HS3ST4: variants seen among roughly 807,000 people sequenced by gnomAD.
HS3ST4 encodes heparan sulfate-glucosamine 3-sulfotransferase 4.
Under a neutral mutation model 29.2 loss-of-function variants are expected in HS3ST4, and 17 were observed. The observed-to-expected ratio is 0.58, with a 90% CI of 0.40 to 0.87. HS3ST4 has a LOEUF of 0.87. Ranked by LOEUF, HS3ST4 falls within the 40% of genes least tolerant of loss-of-function variation. The pLI is 0.00. For synonymous variants in HS3ST4, 314 were observed against 285.7 expected (o/e 1.10, Z -1.00); for missense variants, 627 against 634.5 (o/e 0.99, Z 0.13).
chr16:26,048,296 C>A (rs1898293668), intron 1 of HS3ST4, among the ~76,000 whole-genome samples: 1 of 152,166 alleles, frequency 6.6e-6, no homozygotes, highest in Admixed American at 6.5e-5. Flanking sequence ...AGGGAGGAAG[C>A]AATTCAGTCT....
intron 1 of HS3ST4, among the ~76,000 whole-genome samples, chr16:25,933,123 A>G (rs1341165740): frequency 6.6e-6 from 1 of 152,082 alleles, no homozygotes; most frequent in Non-Finnish European, 1.5e-5. Context: ...TTCCTTCTGA[A>G]AAGCTGCTCT....
chr16:25,923,997 C>T (rs535368859), intron 1 of HS3ST4, among the ~76,000 whole-genome samples: 7 of 152,276 alleles, frequency 4.6e-5, no homozygotes, highest in Non-Finnish European at 7.3e-5. Flanking sequence ...TTCTCCTCTG[C>T]GCTTTGGCCA....
intron 1 of HS3ST4, among the ~76,000 whole-genome samples, chr16:25,820,760 G>A (rs1967145994): frequency 6.6e-6 from 1 of 151,922 alleles, no homozygotes; most frequent in South Asian, 2.1e-4. Flanking sequence ...TTGTAGAGAC[G>A]GGGTTTGGCT....
intron 1 of HS3ST4, among the ~76,000 whole-genome samples, chr16:25,712,612 G>A (rs1489742684): frequency 3.9e-5 from 6 of 152,014 alleles, no homozygotes; most frequent in Admixed American, 3.3e-4. Context: ...AGTATTAGAA[G>A]GCAGTACGGA....
At chr16:26,095,891 G>A (rs768803282) in intron 1 of HS3ST4, among the ~76,000 whole-genome samples, 1 of 152,034 alleles carries the variant, frequency 6.6e-6, no homozygotes. Flanking sequence ...AAGAAGAAAA[G>A]AGAGAAGAAT....
intron 1 of HS3ST4, among the ~76,000 whole-genome samples, chr16:25,999,796 ATATAT>A (rs1567290734): frequency 7.3e-6 from 1 of 137,852 alleles, no homozygotes; most frequent in South Asian, 2.1e-4. Context: ...TATATTTTAT[ATATAT>A]TATATGTATA....
chr16:25,902,853 C>A (rs1364304776), intron 1 of HS3ST4, among the ~76,000 whole-genome samples: 1 of 151,934 alleles, frequency 6.6e-6, no homozygotes, highest in African/African-American at 2.4e-5. Context: ...ATTCCAGCAC[C>A]TTAGGAGGCT....
At chr16:25,762,705 AAAAC>A (rs113353975) in intron 1 of HS3ST4, among the ~76,000 whole-genome samples, 44 of 151,416 alleles carry the variant, frequency 2.9e-4, no homozygotes, top group South Asian at 6.3e-4. Flanking sequence ...TGTCCCTACT[AAAAC>A]AAACAAACAA....
chr16:25,729,014 T>C (rs1966554559), intron 1 of HS3ST4, among the ~76,000 whole-genome samples: 1 of 151,970 alleles, frequency 6.6e-6, no homozygotes, highest in Admixed American at 6.6e-5. Context: ...GCCCAGGAGT[T>C]TGAGACTGCA....
chr16:25,694,692 A>G (rs972486811), intron 1 of HS3ST4, among the ~76,000 whole-genome samples: 31 of 152,134 alleles, frequency 2.0e-4, no homozygotes, highest in African/African-American at 7.5e-4. Context: ...GGAAGGTTTT[A>G]GTTGTTTAAT....
At chr16:25,833,178 C>T (rs895012905) in intron 1 of HS3ST4, among the ~76,000 whole-genome samples, 7 of 152,072 alleles carry the variant, frequency 4.6e-5, no homozygotes, top group East Asian at 1.9e-4. Context: ...ACCTTTGGAC[C>T]GATTTCAGCT....
At chr16:25,957,341 A>G (rs1272563333) in intron 1 of HS3ST4, among the ~76,000 whole-genome samples, 1 of 152,232 alleles carries the variant, frequency 6.6e-6, no homozygotes, top group East Asian at 1.9e-4. Flanking sequence ...CGGTGAGCAC[A>G]TTACTGCACA....
chr16:26,023,878 A>G (rs1969440420), intron 1 of HS3ST4, among the ~76,000 whole-genome samples: 1 of 152,310 alleles, frequency 6.6e-6, no homozygotes, highest in South Asian at 2.1e-4. Flanking sequence ...ATTGAGATTG[A>G]GTCTCAGTGT....
At chr16:25,749,176 G>A (rs190622775) in intron 1 of HS3ST4, among the ~76,000 whole-genome samples, 29 of 152,070 alleles carry the variant, frequency 1.9e-4, no homozygotes, top group Admixed American at 8.5e-4. Context: ...ACCTTTAGAC[G>A]TATTTTTTAG....
chr16:26,071,748 G>A (rs926061677), intron 1 of HS3ST4, among the ~76,000 whole-genome samples: 1 of 152,116 alleles, frequency 6.6e-6, no homozygotes, highest in Admixed American at 6.6e-5. Context: ...AAGTGCCTAG[G>A]GTATAACATT....
chr16:26,136,071 G>A lies in HS3ST4; in HGVS notation c.1194G>A (p.Lys398=). ...AAACCAAGGGGTTCCCTTGCCTAAA[G>A]AAGCCAGAAGACAGCAGTGCCCCGA... ...FNKTKGFPCL[K]KPEDSSAPRC... is the part of the protein sequence containing the mutation. The change falls in exon 2 of 2, where the codon AAG becomes AAA. Residue 398 remains lysine, a synonymous_variant. Coordinates refer to ENST00000331351, the MANE Select transcript of HS3ST4 (RefSeq NM_006040.3). 1 of 1,613,830 alleles carries A rather than the reference G, an allele frequency of 6.2e-7. No individual in the cohort carries two copies.
intron 1 of HS3ST4, among the ~76,000 whole-genome samples, chr16:25,954,660 A>G (rs1430599194): frequency 6.6e-6 from 1 of 152,234 alleles, no homozygotes; most frequent in Non-Finnish European, 1.5e-5. Flanking sequence ...TCCCAAATCC[A>G]AAAATCCAAA....
chr16:25,788,537 CTTCT>C (rs1966861183), intron 1 of HS3ST4, among the ~76,000 whole-genome samples: 1 of 70,218 alleles, frequency 1.4e-5, no homozygotes. Context: ...TTTTTCTTTT[CTTCT>C]TTCTTTTTTT....
At chr16:25,943,236 G>A (rs916842829) in intron 1 of HS3ST4, among the ~76,000 whole-genome samples, 2 of 152,132 alleles carry the variant, frequency 1.3e-5, no homozygotes, top group African/African-American at 4.8e-5. Context: ...TATATATGGA[G>A]GACATAACAG....
Sources: gnomAD v4.1 joint callset for allele counts (sites outside exome capture counted in the v4.1 genomes callset) on GRCh38, gnomAD v4.1.1 for gene constraint, MANE v1.5 for transcripts, NCBI Gene and HGNC (gene_info 2026-07-23, HGNC 2026-07-21) for gene names.